MAP6: variants seen among roughly 807,000 people sequenced by gnomAD.
The protein encoded by MAP6 is microtubule-associated protein 6.
A neutral mutation model predicts 42.4 loss-of-function variants in MAP6; 26 were observed. The ratio of observed to expected loss-of-function variants is 0.61; its 90% CI spans 0.45 to 0.85. The LOEUF (loss-of-function observed/expected upper bound fraction) is 0.85. Ranked by LOEUF, MAP6 falls within the 40% of genes least tolerant of loss-of-function variation. The pLI is 0.00. For synonymous variants in MAP6, 418 were observed against 443.8 expected (o/e 0.94, Z 0.73); for missense variants, 966 against 1,099.0 (o/e 0.88, Z 1.71).
At chr11:75,613,736 G>A (rs1282020342) in intron 1 of MAP6, among the ~76,000 whole-genome samples, 1 of 152,114 alleles carries the variant, frequency 6.6e-6, no homozygotes, top group Non-Finnish European at 1.5e-5. Context: ...CAGATGAATG[G>A]GCTCAATCAA....
At chr11:75,604,955 C>G (rs1942732427) in intron 3 of MAP6, 1 of 985,358 alleles carries the variant, frequency 1.0e-6, no homozygotes, top group Non-Finnish European at 1.2e-6. Flanking sequence ...AACACACTAT[C>G]CCTACACCTT....
intron 1 of MAP6, among the ~76,000 whole-genome samples, chr11:75,610,561 G>A (rs776558295): frequency 2.6e-5 from 4 of 152,268 alleles, no homozygotes; most frequent in Non-Finnish European, 5.9e-5. Flanking sequence ...GGCCATGCCA[G>A]CCATGTTAAG....
intron 3 of MAP6, chr11:75,604,697 A>C (rs1942725749): frequency 1.0e-6 from 1 of 985,210 alleles, no homozygotes. Flanking sequence ...CCACACACAC[A>C]CACGACACGG....
intron 3 of MAP6, chr11:75,594,550 T>C (rs924675415): frequency 4.6e-5 from 7 of 152,228 alleles, no homozygotes; most frequent in African/African-American, 1.2e-4. Context: ...ATTATCCTGT[T>C]CTTTGGTAAT....
chr11:75,653,324 G>T (rs1188094016), intron 1 of MAP6, among the ~76,000 whole-genome samples: 1 of 152,148 alleles, frequency 6.6e-6, no homozygotes, highest in Non-Finnish European at 1.5e-5. Flanking sequence ...CCAAATCCTC[G>T]GGAGGAGTCC....
At position 75,587,367 on chromosome 11, in the gene MAP6, A is replaced by G; in HGVS notation, c.2134T>C (p.Ser712Pro). ...VKNQGPVVPE[S>P]VKNQDPILPV... ...AGAATGGGGTCTTGATTCTTCACGG[A>G]CTCGGGGACCACAGGACCTTGATTC... Residue 712 changes from serine to proline, a missense_variant, in exon 4 of 4, where the codon TCC (serine) becomes CCC (proline). By Grantham distance (74) the Ser-to-Pro change is moderately conservative. This residue lies in a region of MAP6 where 943 missense variants were observed against 1,049.9 expected (regional missense o/e 0.90). Transcript: ENST00000304771. The G allele has an allele frequency of 1.2e-6, 2 of 1,613,932 alleles. No individual in the cohort carries two copies. The highest frequency in any genetic ancestry group is 1.7e-6 in the Non-Finnish European group (2 of 1,179,968).
intron 1 of MAP6, among the ~76,000 whole-genome samples, chr11:75,612,062 C>G (rs1942904934): frequency 1.3e-5 from 2 of 152,272 alleles, no homozygotes; most frequent in Admixed American, 6.5e-5. Flanking sequence ...AGAGGACTTA[C>G]ATGACACAGA....
Position 75,667,683 on chromosome 11 carries a change from CT to C in MAP6, c.686del (p.Lys229ArgfsTer69), listed in dbSNP as rs1258731319. 1.6e-6 allele frequency: 2 copies of C among 1,274,674 alleles called. No individual in the cohort carries two copies. The highest frequency in any genetic ancestry group is 2.0e-6 in the Non-Finnish European group (2 of 1,014,862). The allele number at this position is 1,274,674 out of a possible 1,614,324, so 79.0% of individuals were successfully genotyped here. A position where few individuals can be genotyped will look rare whatever the true frequency, so the allele number is the denominator to read the frequency against. On this transcript the variant is annotated frameshift_variant, in exon 1 of 4. Coordinates refer to ENST00000304771, the MANE Select transcript of MAP6 (RefSeq NM_033063.2). LOFTEE classifies it high-confidence loss of function. The surrounding 1 kb of genome is among the most constrained non-coding windows in gnomAD (Gnocchi z 5.6). ...TGTCGCGCTCGTCCGCCCCGGACGC[CT>C]TTCCGGCCGCCAGGCCACCCGCTCC... ...PGGAGGLAAG[K>X]ASGADERDTR...
At chr11:75,634,591 A>G (rs2135641144) in intron 1 of MAP6, among the ~76,000 whole-genome samples, 1 of 152,322 alleles carries the variant, frequency 6.6e-6, no homozygotes, top group South Asian at 2.1e-4. Context: ...TATGATACAA[A>G]TTCACCAAAG....
chr11:75,598,310 TG>T, intron 3 of MAP6, among the ~76,000 whole-genome samples: 1 of 152,352 alleles, frequency 6.6e-6, no homozygotes, highest in South Asian at 2.1e-4. Flanking sequence ...TTATAATCCT[TG>T]CTTGGAATTA....
chr11:75,607,589 C>T lies in MAP6; in HGVS notation c.1119+520G>A, dbSNP rs1046347127. ...ATGTGACAGGTGTGTTGTGACAGACCGAGAAGTCATAGTGGATGGTGTTTA... is the reference window on the plus strand; with the variant it reads ...ATGTGACAGGTGTGTTGTGACAGACTGAGAAGTCATAGTGGATGGTGTTTA... On this transcript the variant is annotated intron_variant, in intron 2 of 3. Coordinates refer to ENST00000304771, the MANE Select transcript of MAP6 (RefSeq NM_033063.2). 6 of 985,140 alleles carry T rather than the reference C, an allele frequency of 6.1e-6. No homozygotes were observed. In the African/African-American group the frequency reaches 7.0e-5, roughly 11 times the overall value. 61.0% of individuals were successfully genotyped at this position (985,140 alleles called of 1,614,324 possible).
At chr11:75,613,042 G>T (rs949431606) in intron 1 of MAP6, among the ~76,000 whole-genome samples, 4 of 152,144 alleles carry the variant, frequency 2.6e-5, no homozygotes, top group Non-Finnish European at 4.4e-5. Flanking sequence ...GGCATCCTAT[G>T]TCAGGCTGCA....
At chr11:75,654,267 C>T (rs1039111784) in intron 1 of MAP6, among the ~76,000 whole-genome samples, 1 of 152,178 alleles carries the variant, frequency 6.6e-6, no homozygotes, top group Non-Finnish European at 1.5e-5. Context: ...GCAGGAATTA[C>T]AAGAATGTAT....
At chr11:75,604,040 GATAGCTTTCAAAATCT>G (rs1942713735) in intron 3 of MAP6, 1 of 985,846 alleles carries the variant, frequency 1.0e-6, no homozygotes, top group Middle Eastern at 5.2e-4. Context: ...GTCATTTCCT[GATAGCTTTCAAAATCT>G]GTGACTCATA....
At position 75,606,006 on chromosome 11, in the gene MAP6, T is replaced by G; in HGVS notation, c.1120-2A>C. On this transcript the variant is annotated splice_acceptor_variant, in intron 2 of 3. Transcript: ENST00000304771. LOFTEE classifies it high-confidence loss of function. ...ACTCTGAACACTAGGTTTTTCCACC[T>G]GTACGGAGAGACAGACCGCAAATAC... 1 of 1,613,268 alleles carries G rather than the reference T, an allele frequency of 6.2e-7. No homozygotes were observed. The highest frequency in any genetic ancestry group is 8.5e-7 in the Non-Finnish European group (1 of 1,179,980).
intron 1 of MAP6, among the ~76,000 whole-genome samples, chr11:75,628,069 T>C (rs1943226679): frequency 6.6e-6 from 1 of 152,210 alleles, no homozygotes; most frequent in Admixed American, 6.5e-5. Context: ...CTGACTCATC[T>C]GAGAGACAAG....
At chr11:75,596,989 C>T (rs1055300734) in intron 3 of MAP6, among the ~76,000 whole-genome samples, 1 of 152,198 alleles carries the variant, frequency 6.6e-6, no homozygotes, top group Non-Finnish European at 1.5e-5. Context: ...TTTAGGGTCA[C>T]CCAAACCTGG....
chr11:75,655,688 A>C (rs751195466), intron 1 of MAP6, among the ~76,000 whole-genome samples: 1 of 152,242 alleles, frequency 6.6e-6, no homozygotes, highest in Non-Finnish European at 1.5e-5. Context: ...GTATGGGCTT[A>C]GCAGAGTTGG....
intron 1 of MAP6, among the ~76,000 whole-genome samples, chr11:75,634,689 C>T (rs1224721901): frequency 2.6e-5 from 4 of 152,306 alleles, no homozygotes; most frequent in East Asian, 1.9e-4. Context: ...AGAGTACCTT[C>T]GCTTGCTTGG....
Sources: gnomAD v4.1 joint callset for allele counts (sites outside exome capture counted in the v4.1 genomes callset) on GRCh38, gnomAD v4.1.1 for gene constraint, gnomAD v4.1.1 regional missense constraint, Gnocchi (gnomAD v3.1) non-coding constraint, MANE v1.5 for transcripts, NCBI Gene and HGNC (gene_info 2026-07-23, HGNC 2026-07-21) for gene names.